The following CEP41 variants were observed in gnomAD, a reference collection of about 807,000 sequenced individuals.
The protein encoded by CEP41 is centrosomal protein of 41 kDa.
In CEP41, 32 loss-of-function variants were observed where a neutral mutation model predicts 44.3. The observed-to-expected ratio is 0.72, with a 90% CI of 0.54 to 0.97. CEP41 has a LOEUF of 0.97. CEP41 is among the 50% of genes least tolerant of loss of function. The pLI is 0.00. For synonymous variants in CEP41, 151 were observed against 168.5 expected (o/e 0.90, Z 0.80); for missense variants, 432 against 455.2 (o/e 0.95, Z 0.46).
At chr7:130,399,984 G>A in intron 10 of CEP41, 55 bp downstream of exon 10, 1 of 1,118,918 alleles carries the variant, frequency 8.9e-7, no homozygotes, top group Non-Finnish European at 1.4e-6. Flanking sequence ...CATATGATGA[G>A]GTGATATTCA....
chr7:130,403,245 T>C (rs782808682), intron 6 of CEP41, among the ~76,000 whole-genome samples: 4 of 152,274 alleles, frequency 2.6e-5, no homozygotes, highest in Non-Finnish European at 5.9e-5. Flanking sequence ...TAATGCTTTA[T>C]ATATTTCATA....
intron 1 of CEP41, among the ~76,000 whole-genome samples, chr7:130,429,316 G>T (rs570373952): frequency 2.5e-4 from 38 of 152,140 alleles, no homozygotes; most frequent in African/African-American, 8.7e-4. Context: ...CAAGTTTAGG[G>T]TCAGCAAAAA....
intron 5 of CEP41, among the ~76,000 whole-genome samples, chr7:130,406,096 A>T (rs1438973670): frequency 1.4e-5 from 2 of 142,424 alleles, no homozygotes; most frequent in African/African-American, 5.3e-5. Flanking sequence ...TAGTATGGTT[A>T]TTTTTAAGTG....
chr7:130,402,628 T>G lies in CEP41; in HGVS notation c.574+20A>C, dbSNP rs1554417242. On this transcript the variant is annotated intron_variant, in intron 7 of 10. Coordinates refer to ENST00000223208, the MANE Select transcript of CEP41 (RefSeq NM_018718.3). ...CTCTGTTCTTGAGAGTGAGGCACTT[T>G]AAAGCCTTCTCTCTCTTACCTCCAA... 1.2e-6 allele frequency: 2 copies of G among 1,613,792 alleles called. No individual in the cohort carries two copies. The highest frequency in any genetic ancestry group is 2.7e-5 in the African/African-American group (2 of 74,930).
At chr7:130,423,036 T>C (rs1797555906) in intron 2 of CEP41, among the ~76,000 whole-genome samples, 1 of 152,178 alleles carries the variant, frequency 6.6e-6, no homozygotes, top group African/African-American at 2.4e-5. Context: ...AGCCCCCGCC[T>C]CCTGGGTTCA....
intron 3 of CEP41, among the ~76,000 whole-genome samples, chr7:130,414,767 T>A (rs782149219): frequency 6.6e-6 from 1 of 152,226 alleles, no homozygotes. Context: ...TGTTCTACAG[T>A]AAGTTTAAAT....
chr7:130,421,723 A>C (rs1797515277), intron 2 of CEP41: 2 of 1,176,384 alleles, frequency 1.7e-6, no homozygotes, highest in Admixed American at 9.0e-5. Context: ...AATTTCAGAA[A>C]GCTAAAGAAA....
At chr7:130,441,296 C>T, upstream of CEP41, 2 of 160,444 alleles carry the variant, frequency 1.2e-5, no homozygotes, top group East Asian at 1.3e-4. Context: ...AAGCCGGGGG[C>T]GGGGGCAGTG....
intron 2 of CEP41, chr7:130,426,607 C>T: frequency 2.2e-6 from 1 of 454,536 alleles, no homozygotes; most frequent in Non-Finnish European, 4.4e-6. Flanking sequence ...AAAAATACAG[C>T]ATTTTAAATC....
intron 5 of CEP41, among the ~76,000 whole-genome samples, chr7:130,410,275 C>A (rs1451217213): frequency 6.6e-6 from 1 of 151,936 alleles, no homozygotes. Flanking sequence ...GATCTGCCCG[C>A]CTTGGCCTCC....
At chr7:130,438,216 C>T (rs1798032895) in intron 1 of CEP41, among the ~76,000 whole-genome samples, 1 of 152,160 alleles carries the variant, frequency 6.6e-6, no homozygotes, top group South Asian at 2.1e-4. Flanking sequence ...AATATTTATC[C>T]TCGATTCCAT....
chr7:130,401,819 T>A (rs1554416998), intron 8 of CEP41, 62 bp downstream of exon 8: 2 of 1,123,496 alleles, frequency 1.8e-6, no homozygotes, highest in Admixed American at 3.4e-5. Flanking sequence ...GCGTGGTTCA[T>A]GATAACTTTG....
In CEP41 at chr7:130,395,698, G is replaced by C. The variant is rs886061989; in HGVS notation, c.*3193C>G. 2 of 453,582 alleles carry C rather than the reference G, an allele frequency of 4.4e-6. No individual in the cohort carries two copies. Among genetic ancestry groups the C allele is most frequent in the African/African-American group, 4.0e-5 (2 of 49,880 alleles). The allele number at this position is 453,582 out of a possible 1,614,324, so 28.1% of individuals were successfully genotyped here. ...TCCACAAGGGAATTAGAGAAAACAC[G>C]ATTTTTTGTTTTGTTCTGTTTTCTT... On this transcript the variant is annotated 3_prime_UTR_variant, in exon 11 of 11. Coordinates refer to ENST00000223208, the MANE Select transcript of CEP41 (RefSeq NM_018718.3).
At chr7:130,419,313 C>T in intron 2 of CEP41, 1 of 985,376 alleles carries the variant, frequency 1.0e-6, no homozygotes, top group Non-Finnish European at 1.2e-6. Context: ...TTTAATTGGA[C>T]AAATGAGATA....
At chr7:130,406,777 A>C (rs1317411338) in intron 5 of CEP41, among the ~76,000 whole-genome samples, 1 of 151,934 alleles carries the variant, frequency 6.6e-6, no homozygotes, top group African/African-American at 2.4e-5. Flanking sequence ...ACAGGAAAAA[A>C]AATCTCATAT....
At chr7:130,419,438 GT>G in intron 2 of CEP41, 1 of 985,140 alleles carries the variant, frequency 1.0e-6, no homozygotes, top group Non-Finnish European at 1.2e-6. Context: ...CTATCTTACT[GT>G]ATCTAATTGC....
intron 2 of CEP41, chr7:130,421,943 G>A: frequency 6.5e-7 from 1 of 1,535,686 alleles, no homozygotes; most frequent in Non-Finnish European, 8.7e-7. Context: ...GATTTCATCA[G>A]AAGCATAATC....
At chr7:130,439,201 C>T (rs1798065633) in intron 1 of CEP41, among the ~76,000 whole-genome samples, 1 of 152,134 alleles carries the variant, frequency 6.6e-6, no homozygotes, top group Non-Finnish European at 1.5e-5. Context: ...AATATATTTT[C>T]TCTTCCTTAT....
chr7:130,400,055 C>T lies in CEP41; in HGVS notation c.957G>A (p.Gly319=), dbSNP rs367931878. 5.6e-5 allele frequency: 90 copies of T among 1,606,712 alleles called. No homozygotes were observed. The highest frequency in any genetic ancestry group is 7.7e-5 in the Non-Finnish European group (90 of 1,174,754). ...AGATCTTACTAGGATGATCTGCAGG[C>T]CCTTGCTCCTCTTCCAGATAATATT... ...KIEYYLEEEQ[G]PADHPSRLNQ... is the part of the protein sequence containing the mutation. The change falls in exon 10 of 11, where the codon GGG becomes GGA. Residue 319 remains glycine, a synonymous_variant. Transcript: ENST00000223208.
Sources: gnomAD v4.1 joint callset for allele counts (sites outside exome capture counted in the v4.1 genomes callset) on GRCh38, gnomAD v4.1.1 for gene constraint, MANE v1.5 for transcripts, NCBI Gene and HGNC (gene_info 2026-07-23, HGNC 2026-07-21) for gene names.